CFH: variants seen among roughly 807,000 people sequenced by gnomAD.
CFH encodes H factor 1 (complement).
CFH carries 53 observed loss-of-function variants against 147.3 expected under a neutral mutation model. That is an observed-to-expected ratio of 0.36 (90% CI 0.29 to 0.45). CFH has a LOEUF of 0.45. Among genes scored for constraint, CFH ranks in the 20% least tolerant of loss-of-function variants. The pLI is 1.00. For missense variants in CFH, 1,380 were observed against 1,498.0 expected (o/e 0.92, Z 1.30); for synonymous variants, 536 against 489.4 (o/e 1.10, Z -1.26).
intron 1 of CFH, among the ~76,000 whole-genome samples, chr1:196,656,749 G>A (rs552418126): frequency 4.1e-5 from 6 of 145,164 alleles, no homozygotes; most frequent in South Asian, 2.2e-4. Flanking sequence ...GGCTGAGTTC[G>A]TTTTTTGTGA....
intron 1 of CFH, among the ~76,000 whole-genome samples, chr1:196,672,544 G>T (rs1667318576): frequency 6.6e-6 from 1 of 151,956 alleles, no homozygotes; most frequent in African/African-American, 2.4e-5. Flanking sequence ...CTTAATAACT[G>T]GCTTCCCTAA....
chr1:196,732,237 C>A (rs1364620118), intron 15 of CFH, among the ~76,000 whole-genome samples: 1 of 151,736 alleles, frequency 6.6e-6, no homozygotes, highest in Non-Finnish European at 1.5e-5. Context: ...ACTTCAAGTT[C>A]ACTAATTCCT....
chr1:196,679,960 A>G (rs1043210128), intron 6 of CFH, among the ~76,000 whole-genome samples, 167 bp downstream of exon 6: 3 of 151,934 alleles, frequency 2.0e-5, no homozygotes, highest in African/African-American at 7.2e-5. Context: ...TTTTGAGTAC[A>G]CTTCGTACGA....
Position 196,726,904 on chromosome 1 carries a change from A to G in CFH, c.2200A>G (p.Ile734Val). 6.2e-7 allele frequency: 1 copy of G among 1,613,718 alleles called. No individual in the cohort carries two copies. The highest frequency in any genetic ancestry group is 8.5e-7 in the Non-Finnish European group (1 of 1,179,724). Reference sequence around the variant, plus strand: ...GATTGGACACAGATCAATTACGTGTATTCATGGAGTATGGACCCAACTTCC... The same window carrying G: ...GATTGGACACAGATCAATTACGTGTGTTCATGGAGTATGGACCCAACTTCC... ...TMIGHRSITC[I>V]HGVWTQLPQC... The change falls in exon 14 of 22, where the codon ATT becomes GTT. Residue 734 changes from isoleucine to valine, a missense_variant. This residue lies in a region of CFH where 830 missense variants were observed against 821.4 expected (regional missense o/e 1.01). Coordinates refer to ENST00000367429, the MANE Select transcript of CFH (RefSeq NM_000186.4).
At chr1:196,704,902 T>C (rs1012095079) in intron 9 of CFH, among the ~76,000 whole-genome samples, 4 of 152,174 alleles carry the variant, frequency 2.6e-5, no homozygotes, top group African/African-American at 9.7e-5. Flanking sequence ...AACCAGTGAG[T>C]TGTACTGGTG....
At chr1:196,681,821 A>G (rs950139250) in intron 6 of CFH, among the ~76,000 whole-genome samples, 2 of 151,840 alleles carry the variant, frequency 1.3e-5, no homozygotes, top group Non-Finnish European at 2.9e-5. Flanking sequence ...CACTCTTTGT[A>G]TGCCAACTAA....
At chr1:196,725,385 G>C in intron 12 of CFH, 88 bp downstream of exon 12, 1 of 1,261,746 alleles carries the variant, frequency 7.9e-7, no homozygotes, top group South Asian at 1.2e-5. Flanking sequence ...GGCTCCCATT[G>C]CCTGTAATCT....
intron 11 of CFH, among the ~76,000 whole-genome samples, chr1:196,718,385 G>A (rs10489456): frequency 0.16 from 24,961 of 152,136 alleles, 2,559 homozygotes; most frequent in East Asian, 0.48. Flanking sequence ...GCAAAGAATG[G>A]TTGAAAGCCA....
chr1:196,737,741 A>G, intron 17 of CFH, 81 bp downstream of exon 17: 1 of 1,138,844 alleles, frequency 8.8e-7, no homozygotes. Context: ...TGAGGGGAAT[A>G]ATTGAGATTA....
intron 9 of CFH, 43 bp from the exon 10 acceptor site, chr1:196,713,692 A>C: frequency 8.2e-7 from 1 of 1,220,212 alleles, no homozygotes; most frequent in Non-Finnish European, 1.2e-6. Context: ...ATAAAATGTT[A>C]TTGATCATAT....
chr1:196,666,860 C>A (rs141580240), intron 1 of CFH, among the ~76,000 whole-genome samples: 1 of 150,428 alleles, frequency 6.6e-6, no homozygotes, highest in African/African-American at 2.4e-5. Context: ...GTGAATTTTC[C>A]ACTTATTTTC....
At position 196,729,261 on chromosome 1, in the gene CFH, A is replaced by AAT. The variant is rs34999101; in HGVS notation, c.2413+748_2413+749dup. Among the ~76,000 whole-genome samples the AAT allele has an allele frequency of 4.6e-3, 704 of 152,124 alleles. 2 individuals carry two copies. Among genetic ancestry groups the AAT allele is most frequent in the Admixed American group, 6.8e-3 (103 of 15,236 alleles). On this transcript the variant is annotated intron_variant, in intron 15 of 21. Transcript: ENST00000367429. ...GTTTAGAGTCCTTAAAGAAGCAAAT[A>AAT]ATATATATATGCAGTGAAGTGTACA...
chr1:196,713,241 T>C (rs1668765990), intron 9 of CFH, among the ~76,000 whole-genome samples: 1 of 152,144 alleles, frequency 6.6e-6, no homozygotes. Flanking sequence ...CACATGTCCA[T>C]TTACTTTGAA....
chr1:196,742,431 GA>G (rs1265297239), intron 19 of CFH, among the ~76,000 whole-genome samples: 1 of 152,100 alleles, frequency 6.6e-6, no homozygotes, highest in Non-Finnish European at 1.5e-5. Context: ...TATTTATATA[GA>G]GTGTTTTGGG....
At chr1:196,687,840 T>C (rs1158344164) in intron 7 of CFH, among the ~76,000 whole-genome samples, 4 of 151,870 alleles carry the variant, frequency 2.6e-5, no homozygotes, top group African/African-American at 4.8e-5. Flanking sequence ...TTCAGATAAA[T>C]AGGGAAAAAA....
intron 1 of CFH, among the ~76,000 whole-genome samples, chr1:196,668,317 A>G (rs1364524245): frequency 6.6e-6 from 1 of 152,180 alleles, no homozygotes; most frequent in Non-Finnish European, 1.5e-5. Context: ...TTTTTGAAGT[A>G]TATTTTCACC....
At chr1:196,691,209 T>C (rs1172042155) in intron 9 of CFH, among the ~76,000 whole-genome samples, 1 of 152,098 alleles carries the variant, frequency 6.6e-6, no homozygotes, top group African/African-American at 2.4e-5. Flanking sequence ...TATACAATTA[T>C]AGTTTAAAAT....
chr1:196,716,468 T>A (rs1246094769), intron 11 of CFH, among the ~76,000 whole-genome samples: 2 of 152,132 alleles, frequency 1.3e-5, no homozygotes, highest in African/African-American at 2.4e-5. Flanking sequence ...TGAAAACCCA[T>A]AAAAGAGTTT....
chr1:196,727,958 T>C (rs1487732895), intron 14 of CFH, among the ~76,000 whole-genome samples: 1 of 152,298 alleles, frequency 6.6e-6, no homozygotes, highest in African/African-American at 2.4e-5. Context: ...CTTTGATGAC[T>C]AACCGGGAGG....
Sources: allele counts gnomAD v4.1 joint callset (sites outside exome capture counted in the v4.1 genomes callset), GRCh38; gene constraint gnomAD v4.1.1; regional missense constraint gnomAD v4.1.1; transcripts MANE v1.5; gene names NCBI Gene and HGNC (gene_info 2026-07-23, HGNC 2026-07-21).